The following ASCC3 variants were observed in gnomAD, a reference collection of about 807,000 sequenced individuals.
The protein encoded by ASCC3 is ASC-1 complex subunit P200.
Under a neutral mutation model 256.3 loss-of-function variants are expected in ASCC3, and 158 were observed. The ratio of observed to expected loss-of-function variants is 0.62; its 90% CI spans 0.54 to 0.70. The LOEUF (loss-of-function observed/expected upper bound fraction) is 0.70, where lower values mean the gene tolerates loss of function less well. Ranked by LOEUF, ASCC3 falls within the 30% of genes least tolerant of loss-of-function variation. ASCC3 has a pLI of 0.00. For missense variants in ASCC3, 2,259 were observed against 2,626.0 expected (o/e 0.86, Z 3.05); for synonymous variants, 948 against 883.4 (o/e 1.07, Z -1.30).
intron 4 of ASCC3, among the ~76,000 whole-genome samples, chr6:100,816,738 A>G (rs1770768986): frequency 6.6e-6 from 1 of 152,068 alleles, no homozygotes; most frequent in African/African-American, 2.4e-5. Context: ...AACAACAGAT[A>G]CTGGGGCCTA....
At chr6:100,573,666 T>C (rs1037016531) in intron 36 of ASCC3, among the ~76,000 whole-genome samples, 21 of 152,106 alleles carry the variant, frequency 1.4e-4, no homozygotes, top group African/African-American at 4.8e-4. Context: ...ACATGATTGC[T>C]TGTGTAATGA....
In ASCC3 at chr6:100,800,312, A is replaced by G. The variant is rs199889522; in HGVS notation, c.1115T>C (p.Leu372Ser). 1.2e-6 allele frequency: 2 copies of G among 1,612,744 alleles called. No individual in the cohort carries two copies. The highest frequency in any genetic ancestry group is 1.7e-5 in the Admixed American group (1 of 59,938). ...TGGCTTTTATTACCTTTGTATCCGC[A>G]ATTCCTTAGGATCAAAGCACATAAG... ...EGLMCFDPKELRIQREQALLN... is the reference protein window; with the variant it reads ...EGLMCFDPKESRIQREQALLN... The change falls in exon 6 of 42, where the codon TTG becomes TCG. Residue 372 changes from leucine (L) to serine (S), a missense_variant. Coordinates refer to ENST00000369162, the MANE Select transcript of ASCC3 (RefSeq NM_006828.4).
chr6:100,818,748 C>CAAAAAAAAA (rs56668191), intron 4 of ASCC3, among the ~76,000 whole-genome samples: 1,284 of 58,206 alleles, frequency 0.022, 4 homozygotes, highest in East Asian at 0.025. Context: ...AGGCAAAAGC[C>CAAAAAAAAA]AAAAAAAAAA....
chr6:100,600,329 T>G (rs1772541119), intron 34 of ASCC3, among the ~76,000 whole-genome samples: 1 of 152,042 alleles, frequency 6.6e-6, no homozygotes, highest in Non-Finnish European at 1.5e-5. Context: ...GATTTAAAGC[T>G]TCCAGCTTCC....
intron 4 of ASCC3, among the ~76,000 whole-genome samples, chr6:100,810,706 C>A (rs1438950888): frequency 6.6e-6 from 1 of 152,112 alleles, no homozygotes; most frequent in Non-Finnish European, 1.5e-5. Context: ...AAACTCCAAC[C>A]AACACAGGAT....
intron 37 of ASCC3, among the ~76,000 whole-genome samples, chr6:100,519,214 A>T (rs1774181844): frequency 6.6e-6 from 1 of 152,126 alleles, no homozygotes; most frequent in Admixed American, 6.6e-5. Flanking sequence ...CATCTGGTTA[A>T]ACGAATCTAT....
chr6:100,585,651 G>A (rs1235234290), intron 36 of ASCC3, among the ~76,000 whole-genome samples: 1 of 143,676 alleles, frequency 7.0e-6, no homozygotes, highest in Non-Finnish European at 1.5e-5. Context: ...AGGAGGAGAG[G>A]TGCTCTGCTT....
At chr6:100,805,990 A>C in intron 4 of ASCC3, 110 bp from the exon 5 acceptor site, 2 of 1,041,930 alleles carry the variant, frequency 1.9e-6, no homozygotes, top group Non-Finnish European at 2.8e-6. Context: ...ATATAGAAAT[A>C]CTCAAAAAAT....
At position 100,642,638 on chromosome 6, in the gene ASCC3, C is replaced by T. The variant is rs1317964873; in HGVS notation, c.3844G>A (p.Val1282Ile). The T allele has an allele frequency of 6.2e-7, 1 of 1,614,002 alleles. No individual in the cohort carries two copies. The highest frequency in any genetic ancestry group is 2.2e-5 in the East Asian group (1 of 44,840). ...VSDRWLGAEA[V>I]CIINFQHLIL... ...AGATGTTGAAAGTTGATAATACATACTGCCTCAGCACCCAACCATCTATCA... is the reference window on the plus strand; with the variant it reads ...AGATGTTGAAAGTTGATAATACATATTGCCTCAGCACCCAACCATCTATCA... The change falls in exon 24 of 42, where the codon GTA (valine) becomes ATA (isoleucine). Residue 1282 changes from valine to isoleucine, a missense_variant. By Grantham distance (29) the Val-to-Ile change is conservative (BLOSUM62 3). This residue lies in a region of ASCC3 where 1,839 missense variants were observed against 2,206.7 expected (regional missense o/e 0.83). Transcript: ENST00000369162.
At position 100,800,446 on chromosome 6, in the gene ASCC3, A is replaced by G. The variant is rs1016932378; in HGVS notation, c.981T>C (p.Thr327=). 15 of 1,612,402 alleles carry G rather than the reference A, an allele frequency of 9.3e-6. No individual in the cohort carries two copies. In the Admixed American group the frequency reaches 1.5e-4, roughly 16 times the overall value. ...NAKPNYGCQV[T]IQSEQEKQLM... is the part of the protein sequence containing the mutation. The stretch of plus-strand genomic sequence containing the variant: ...ACTGCTTTTCTTGTTCAGACTGAAT[A>G]GTGACTTGACAACCATAATTGGGTT... Residue 327 remains threonine, a synonymous_variant, in exon 6 of 42, where the codon ACT becomes ACC. Transcript: ENST00000369162.
chr6:100,521,671 G>T (rs1458297404), intron 37 of ASCC3, among the ~76,000 whole-genome samples: 4 of 152,216 alleles, frequency 2.6e-5, no homozygotes, highest in South Asian at 4.1e-4. Flanking sequence ...CAAGGCCAAA[G>T]ACAGATCCTG....
At position 100,798,693 on chromosome 6, in the gene ASCC3, C is replaced by G. The variant is rs201631788; in HGVS notation, c.1395+20G>C. On this transcript the variant is annotated intron_variant, in intron 8 of 41. Transcript: ENST00000369162. ...ATACCAAGCCTCAAAACTATCAACT[C>G]TATAAAAGGCTCATCTCACCTCATC... 3 of 1,611,110 alleles carry G rather than the reference C, an allele frequency of 1.9e-6. No homozygotes were observed. The highest frequency in any genetic ancestry group is 8.5e-7 in the Non-Finnish European group (1 of 1,179,214).
In ASCC3 at chr6:100,655,759, A is replaced by AT. The variant is rs1562202905; in HGVS notation, c.2762dup (p.Tyr921Ter). The AT allele has an allele frequency of 6.2e-7, 1 of 1,611,878 alleles. No homozygotes were observed. Among genetic ancestry groups the AT allele is most frequent in the East Asian group, 2.2e-5 (1 of 44,764 alleles). Reference sequence around the variant, plus strand: ...GATTTGCTCTCATCCGTACATAAAGATAAGTGTAACTTATCCACTTCACTG... The same window carrying AT: ...GATTTGCTCTCATCCGTACATAAAGATTAAGTGTAACTTATCCACTTCACTG... ...EEAVKWISYT[Y>*]LYVRMRANPL... Residue 921 changes from tyrosine to a stop codon, truncating the protein, a stop_gained and frameshift_variant, in exon 17 of 42, where the codon TAT (tyrosine) becomes TAAT (stop). Coordinates refer to ENST00000369162, the MANE Select transcript of ASCC3 (RefSeq NM_006828.4). LOFTEE classifies it high-confidence loss of function.
At chr6:100,635,446 T>TGAG (rs1774796428) in intron 25 of ASCC3, among the ~76,000 whole-genome samples, 1 of 152,068 alleles carries the variant, frequency 6.6e-6, no homozygotes, top group East Asian at 1.9e-4. Context: ...GATGGGGGAA[T>TGAG]GAGGAGATAC....
intron 14 of ASCC3, among the ~76,000 whole-genome samples, chr6:100,672,861 G>A (rs375289032): frequency 2.6e-4 from 40 of 152,076 alleles, no homozygotes; most frequent in Middle Eastern, 3.4e-3. Flanking sequence ...CAGGTTGACA[G>A]CACTTTATTT....
intron 10 of ASCC3, among the ~76,000 whole-genome samples, chr6:100,732,245 G>A (rs531446111): frequency 1.3e-5 from 2 of 150,264 alleles, no homozygotes; most frequent in East Asian, 3.9e-4. Flanking sequence ...CTAAATAAAT[G>A]TATTCTGCAG....
chr6:100,841,148 T>C (rs2114485773), intron 4 of ASCC3, among the ~76,000 whole-genome samples: 1 of 152,234 alleles, frequency 6.6e-6, no homozygotes, highest in South Asian at 2.1e-4. Context: ...ACAGAGAATA[T>C]TAGCTTAAAA....
chr6:100,618,325 A>G (rs1170119059), intron 30 of ASCC3, among the ~76,000 whole-genome samples: 1 of 152,206 alleles, frequency 6.6e-6, no homozygotes, highest in African/African-American at 2.4e-5. Flanking sequence ...GAGTTTGACA[A>G]GAGTATTACT....
At chr6:100,600,840 A>C (rs1167854856) in intron 34 of ASCC3, among the ~76,000 whole-genome samples, 1 of 152,012 alleles carries the variant, frequency 6.6e-6, no homozygotes, top group East Asian at 1.9e-4. Flanking sequence ...TAGTGCAATA[A>C]ATATTTAACA....
Sources: allele counts gnomAD v4.1 joint callset (sites outside exome capture counted in the v4.1 genomes callset), GRCh38; gene constraint gnomAD v4.1.1; regional missense constraint gnomAD v4.1.1; transcripts MANE v1.5; gene names NCBI Gene and HGNC (gene_info 2026-07-23, HGNC 2026-07-21).